The following RABGAP1L variants were observed in gnomAD, a reference collection of about 807,000 sequenced individuals.
RABGAP1L encodes the protein rab GTPase-activating protein 1-like.
A neutral mutation model predicts 137.7 loss-of-function variants in RABGAP1L; 63 were observed. The ratio of observed to expected loss-of-function variants is 0.46; its 90% confidence interval spans 0.37 to 0.56. The LOEUF (loss-of-function observed/expected upper bound fraction) is 0.56, where lower values mean the gene tolerates loss of function less well. Among genes scored for constraint, RABGAP1L ranks in the 20% least tolerant of loss-of-function variants. The probability of loss-of-function intolerance (pLI) is 0.00; values close to 1 mark genes in which losing one functional copy is unlikely to be tolerated. For synonymous variants in RABGAP1L, 431 were observed against 433.7 expected (o/e 0.99, Z 0.08); for missense variants, 1,095 against 1,244.0 (o/e 0.88, Z 1.80).
At chr1:174,519,087 A>G (rs1039152271) in intron 13 of RABGAP1L, among the ~76,000 whole-genome samples, 2 of 151,674 alleles carry the variant, frequency 1.3e-5, no homozygotes, top group African/African-American at 4.8e-5. Flanking sequence ...ACTAATATAT[A>G]TATACACACA....
chr1:174,652,129 A>C (rs1436277751), intron 14 of RABGAP1L, among the ~76,000 whole-genome samples: 1 of 152,186 alleles, frequency 6.6e-6, no homozygotes, highest in Non-Finnish European at 1.5e-5. Flanking sequence ...TTCTGGGTTA[A>C]AAATTCTTTT....
chr1:174,709,397 G>A (rs1445861745), intron 17 of RABGAP1L, among the ~76,000 whole-genome samples: 6 of 152,190 alleles, frequency 3.9e-5, no homozygotes, highest in African/African-American at 1.4e-4. Flanking sequence ...CTCTGAAGAG[G>A]GGTTGACAGA....
chr1:174,864,986 A>T (rs1650951011), intron 19 of RABGAP1L, among the ~76,000 whole-genome samples: 1 of 151,996 alleles, frequency 6.6e-6, no homozygotes, highest in Non-Finnish European at 1.5e-5. Flanking sequence ...ATGTGGTGGC[A>T]CACACCTGTG....
intron 1 of RABGAP1L, among the ~76,000 whole-genome samples, chr1:174,191,064 T>TA (rs1323317300): frequency 6.6e-6 from 1 of 152,146 alleles, no homozygotes; most frequent in Non-Finnish European, 1.5e-5. Context: ...ATTGCAATAG[T>TA]AATACCAAAG....
chr1:174,644,471 G>C (rs1158613647), intron 14 of RABGAP1L, among the ~76,000 whole-genome samples: 2 of 151,678 alleles, frequency 1.3e-5, no homozygotes, highest in Non-Finnish European at 2.9e-5. Context: ...TTTGATTATA[G>C]TCACTCTTTT....
intron 11 of RABGAP1L, among the ~76,000 whole-genome samples, chr1:174,311,064 C>T (rs1678792582): frequency 6.6e-6 from 1 of 151,972 alleles, no homozygotes; most frequent in African/African-American, 2.4e-5. Context: ...ACTACTATTC[C>T]CAGCCCCTGG....
At chr1:174,587,319 G>A (rs1184775915) in intron 13 of RABGAP1L, among the ~76,000 whole-genome samples, 1 of 149,240 alleles carries the variant, frequency 6.7e-6, no homozygotes, top group East Asian at 2.0e-4. Context: ...GGGAGGGATA[G>A]CATTGGGAGA....
intron 13 of RABGAP1L, among the ~76,000 whole-genome samples, chr1:174,589,185 A>G (rs960978056): frequency 2.0e-5 from 3 of 152,060 alleles, no homozygotes; most frequent in Admixed American, 6.6e-5. Flanking sequence ...TTTAATTTCC[A>G]TTTCTCCAGT....
At chr1:174,938,292 C>G (rs1223060636) in intron 19 of RABGAP1L, among the ~76,000 whole-genome samples, 2 of 152,172 alleles carry the variant, frequency 1.3e-5, no homozygotes. Context: ...CTTAGTGTTC[C>G]CACCCTGTGG....
At chr1:174,648,306 A>G (rs952162841) in intron 14 of RABGAP1L, among the ~76,000 whole-genome samples, 3 of 152,038 alleles carry the variant, frequency 2.0e-5, no homozygotes, top group Non-Finnish European at 2.9e-5. Context: ...TAGGGTGTCA[A>G]TTATTGATCT....
chr1:174,877,602 T>C, intron 19 of RABGAP1L: 1 of 1,612,940 alleles, frequency 6.2e-7, no homozygotes, highest in Non-Finnish European at 8.5e-7. Flanking sequence ...AGCCCAGGTC[T>C]ATGGTAGGTG....
rs74405984 is a variant in RABGAP1L, at chr1:174,808,952, C to T, written c.2212-2880C>T. Among the ~76,000 whole-genome samples the T allele has an allele frequency of 4.7e-3, 718 of 152,180 alleles. 6 individuals are homozygous for T. Among genetic ancestry groups the T allele is most frequent in the African/African-American group, 0.014 (589 of 41,528 alleles). ...GAATACAGGTATGAGCCACCAAGCA[C>T]GGCCTCATTCTCAAATACTTGTGAT... On this transcript the variant is annotated intron_variant, in intron 18 of 25. Coordinates refer to ENST00000681986, the MANE Select transcript of RABGAP1L (RefSeq NM_001366446.1).
chr1:174,359,176 CTTCT>C (rs991207124), intron 11 of RABGAP1L, among the ~76,000 whole-genome samples: 1 of 151,078 alleles, frequency 6.6e-6, no homozygotes, highest in Non-Finnish European at 1.5e-5. Flanking sequence ...CTTCTGTTAT[CTTCT>C]TTGTCATGTT....
chr1:174,181,615 G>C (rs923421645), intron 1 of RABGAP1L, among the ~76,000 whole-genome samples: 15 of 152,128 alleles, frequency 9.9e-5, no homozygotes, highest in African/African-American at 3.4e-4. Context: ...GGGATTACAG[G>C]CGTGAGCCAC....
At chr1:174,773,284 G>A (rs1469168895) in intron 18 of RABGAP1L, among the ~76,000 whole-genome samples, 1 of 152,038 alleles carries the variant, frequency 6.6e-6, no homozygotes, top group Non-Finnish European at 1.5e-5. Context: ...CTAGCTACTT[G>A]GAAGGCTAAG....
Position 174,394,129 on chromosome 1 carries a change from G to A in RABGAP1L, c.1694G>A (p.Arg565Gln), listed in dbSNP as rs371880631. The change falls in exon 13 of 26, where the codon CGA (arginine) becomes CAA (glutamine). Residue 565 changes from arginine to glutamine, a missense_variant. By Grantham distance (43) the Arg-to-Gln change is conservative. Transcript: ENST00000681986. ...AACCAGGCAATGCTGGATAGATACC[G>A]AATTCTTATCACAAAGGTAGGAAGA... ...HDNQAMLDRY[R>Q]ILITKDSAQE... The A allele has an allele frequency of 2.2e-5, 35 of 1,612,782 alleles. No homozygotes were observed. The highest frequency in any genetic ancestry group is 1.1e-4 in the African/African-American group (8 of 74,850).
intron 11 of RABGAP1L, among the ~76,000 whole-genome samples, chr1:174,370,424 T>G (rs1685009334): frequency 7.0e-6 from 1 of 143,430 alleles, no homozygotes; most frequent in African/African-American, 2.6e-5. Context: ...AATTGCCATA[T>G]AAAAAGGCCA....
intron 19 of RABGAP1L, among the ~76,000 whole-genome samples, chr1:174,858,738 C>T (rs951475543): frequency 4.6e-5 from 7 of 152,186 alleles, no homozygotes; most frequent in Non-Finnish European, 8.8e-5. Flanking sequence ...ATTAGACCTT[C>T]ACAATGGATT....
intron 10 of RABGAP1L, among the ~76,000 whole-genome samples, chr1:174,298,175 C>T (rs1287545941): frequency 6.6e-6 from 1 of 152,232 alleles, no homozygotes; most frequent in Non-Finnish European, 1.5e-5. Flanking sequence ...GTTCCCTTCT[C>T]TTCCTAGCAG....
Sources: gnomAD v4.1 joint callset for allele counts (sites outside exome capture counted in the v4.1 genomes callset) on GRCh38, gnomAD v4.1.1 for gene constraint, MANE v1.5 for transcripts, NCBI Gene and HGNC (gene_info 2026-07-23, HGNC 2026-07-21) for gene names.